Variants in OAS3 observed in about 807,000 individuals in gnomAD.
OAS3 encodes 2'-5'-oligoadenylate synthase 3.
Under a neutral mutation model 113.0 loss-of-function variants are expected in OAS3, and 107 were observed. The observed-to-expected ratio is 0.95, with a 90% CI of 0.81 to 1.11. OAS3 has a LOEUF of 1.11. OAS3 is among the 50% of genes most tolerant of loss of function. The pLI is 0.00. For synonymous variants in OAS3, 552 were observed against 573.6 expected (o/e 0.96, Z 0.54); for missense variants, 1,258 against 1,389.1 (o/e 0.91, Z 1.50).
rs565780523 is a variant in OAS3, at chr12:112,955,251, A to G, written c.1657+4276A>G. 8.5e-5 allele frequency among the ~76,000 whole-genome samples: 13 copies of G among 152,342 alleles called. No homozygotes were observed. In the East Asian group the frequency reaches 1.7e-3, roughly 20 times the overall value. ...GACGATGGGGTTTTCTAAATATACA[A>G]TCATGTCATTTGCAAACAGGGACAA... On this transcript the variant is annotated intron_variant, in intron 7 of 15. Transcript: ENST00000228928.
At chr12:112,961,869 C>T (rs990896334) in intron 8 of OAS3, among the ~76,000 whole-genome samples, 3 of 152,046 alleles carry the variant, frequency 2.0e-5, no homozygotes, top group East Asian at 3.9e-4. Flanking sequence ...AATTACAGCT[C>T]GCTGCAGCCT....
At chr12:112,945,010 TAAG>T (rs1371260209) in intron 3 of OAS3, 4 of 327,726 alleles carry the variant, frequency 1.2e-5, no homozygotes, top group African/African-American at 8.6e-5. Context: ...TTGTGTGTCT[TAAG>T]AAGTCTTTCC....
At chr12:112,947,907 C>A in intron 4 of OAS3, 39 bp from the exon 5 acceptor site, 1 of 1,534,952 alleles carries the variant, frequency 6.5e-7, no homozygotes, top group Admixed American at 2.1e-5. Flanking sequence ...CCAGAGCCCT[C>A]TTGCTAACCA....
At chr12:112,940,801 G>A (rs2136342308) in intron 1 of OAS3, among the ~76,000 whole-genome samples, 1 of 152,210 alleles carries the variant, frequency 6.6e-6, no homozygotes. Context: ...TCAGGAATTC[G>A]AGACCAGTCT....
intron 6 of OAS3, 58 bp from the exon 7 acceptor site, chr12:112,950,635 T>C (rs2043780175): frequency 6.3e-7 from 1 of 1,576,834 alleles, no homozygotes; most frequent in Non-Finnish European, 8.7e-7. Context: ...GATGGGATCG[T>C]AGTCCGACTC....
At position 112,950,940 on chromosome 12, in the gene OAS3, C is replaced by T. The variant is rs750060590; in HGVS notation, c.1622C>T (p.Thr541Met). ...QLVSTALKSW[T>M]DVSLLPAFDA... ...GTGTCCACAGCCCTGAAGAGCTGGA[C>T]GGATGTTAGCCTGCTGCCTGCCTTC... is the stretch of plus-strand genomic sequence containing the variant. The change falls in exon 7 of 16, where the codon ACG (threonine) becomes ATG (methionine). Residue 541 changes from threonine (T) to methionine (M), a missense_variant. By Grantham distance (81) the Thr-to-Met change is moderately conservative. Coordinates refer to ENST00000228928, the MANE Select transcript of OAS3 (RefSeq NM_006187.4). 2.3e-5 allele frequency: 37 copies of T among 1,613,802 alleles called. No individual in the cohort carries two copies. The highest frequency in any genetic ancestry group is 8.3e-5 in the Admixed American group (5 of 60,002).
At chr12:112,948,315 C>A (rs1372724170) in intron 5 of OAS3, among the ~76,000 whole-genome samples, 1 of 151,926 alleles carries the variant, frequency 6.6e-6, no homozygotes, top group Non-Finnish European at 1.5e-5. Context: ...CCAGTCTGGA[C>A]AATATGGTGA....
intron 11 of OAS3, 72 bp from the exon 12 acceptor site, chr12:112,965,672 C>G: frequency 6.9e-7 from 1 of 1,440,044 alleles, no homozygotes; most frequent in Non-Finnish European, 9.3e-7. Flanking sequence ...AGTAGGTTTT[C>G]TAACTCACAG....
rs774407336 is a variant in OAS3 at position 112,938,488 on chromosome 12, C to A, written c.-43C>A. The A allele has an allele frequency of 1.3e-6, 2 of 1,497,164 alleles. No individual in the cohort carries two copies. Among genetic ancestry groups the A allele is most frequent in the East Asian group, 2.6e-5 (1 of 38,392 alleles). The allele number at this position is 1,497,164 out of a possible 1,614,324, so 92.7% of individuals were successfully genotyped here. A position where few individuals can be genotyped will look rare whatever the true frequency, so the allele number is the denominator to read the frequency against. On this transcript the variant is annotated 5_prime_UTR_variant, in exon 1 of 16. Transcript: ENST00000228928. ...AAAACGAAACCAGAAATCCGAAGGC[C>A]GCGCCAGAGCCCTGCTTCCCCTTGC...
chr12:112,944,180 C>T (rs2043705591), intron 2 of OAS3, among the ~76,000 whole-genome samples: 1 of 152,302 alleles, frequency 6.6e-6, no homozygotes, highest in African/African-American at 2.4e-5. Flanking sequence ...AGCAACTTTC[C>T]TGTTTAACCA....
intron 7 of OAS3, among the ~76,000 whole-genome samples, chr12:112,953,332 G>A (rs2043807841): frequency 6.6e-6 from 1 of 152,132 alleles, no homozygotes; most frequent in Non-Finnish European, 1.5e-5. Context: ...CTTTTTTATG[G>A]CTGCATAGTA....
At position 112,949,108 on chromosome 12, in the gene OAS3, C is replaced by G. The variant is rs755215305; in HGVS notation, c.1277C>G (p.Pro426Arg). 3.7e-5 allele frequency: 60 copies of G among 1,613,832 alleles called. No homozygotes were observed. Among genetic ancestry groups the G allele is most frequent in the Non-Finnish European group, 4.9e-5 (58 of 1,179,894 alleles). ...CGCTTCATCCAGGACCACCTGAAGCCGAGCCCCCAGTTCCAGGAGCAGGTG... is the reference window on the plus strand; with the variant it reads ...CGCTTCATCCAGGACCACCTGAAGCGGAGCCCCCAGTTCCAGGAGCAGGTG... ...LDRFIQDHLK[P>R]SPQFQEQVKK... The change falls in exon 6 of 16, where the codon CCG (proline) becomes CGG (arginine). Residue 426 changes from proline to arginine, a missense_variant. Pro to Arg is a moderately radical substitution (Grantham distance 103). Transcript: ENST00000228928.
At chr12:112,948,172 T>A in intron 5 of OAS3, 73 bp downstream of exon 5, 1 of 1,390,040 alleles carries the variant, frequency 7.2e-7, no homozygotes, top group Non-Finnish European at 9.5e-7. Context: ...GAGCATCTAC[T>A]ATGTGCCATA....
intron 8 of OAS3, 49 bp from the exon 9 acceptor site, chr12:112,962,603 A>G: frequency 6.3e-7 from 1 of 1,595,226 alleles, no homozygotes; most frequent in South Asian, 1.1e-5. Flanking sequence ...GGCCACACTC[A>G]GCTCACATCC....
At chr12:112,947,832 C>A (rs1410019372) in intron 4 of OAS3, 114 bp from the exon 5 acceptor site, 1 of 932,436 alleles carries the variant, frequency 1.1e-6, no homozygotes, top group Non-Finnish European at 1.6e-6. Flanking sequence ...GAGGGTAAAT[C>A]ATTTGCCCCA....
In OAS3 at chr12:112,941,641, C is replaced by G. The variant is rs1166267745; in HGVS notation, c.249C>G (p.Cys83Trp). The change falls in exon 2 of 16, where the codon TGC becomes TGG. Residue 83 changes from cysteine to tryptophan, a missense_variant. Physicochemically the swap from Cys to Trp is radical, Grantham distance 215. Transcript: ENST00000228928. Reference sequence around the variant, plus strand: ...CTGAACTTGTCATCTTCCTCGACTGCTTCAAGAGCTATGTGGACCAGAGGG... The same window carrying G: ...CTGAACTTGTCATCTTCCTCGACTGGTTCAAGAGCTATGTGGACCAGAGGG... ...CDSELVIFLD[C>W]FKSYVDQRAR... is the part of the protein sequence containing the mutation. 6.2e-7 allele frequency: 1 copy of G among 1,613,936 alleles called. No individual in the cohort carries two copies. The highest frequency in any genetic ancestry group is 1.7e-5 in the Admixed American group (1 of 60,012).
intron 7 of OAS3, among the ~76,000 whole-genome samples, chr12:112,951,957 A>G (rs2043797475): frequency 6.6e-6 from 1 of 151,978 alleles, no homozygotes; most frequent in Non-Finnish European, 1.5e-5. Context: ...GGTTGCAGTG[A>G]GCTGAGATTG....
At chr12:112,949,924 C>T (rs1209122991) in intron 6 of OAS3, among the ~76,000 whole-genome samples, 1 of 152,168 alleles carries the variant, frequency 6.6e-6, no homozygotes, top group African/African-American at 2.4e-5. Context: ...GAGGCTGAGG[C>T]AGGAAAATCG....
chr12:112,961,138 G>A lies in OAS3; in HGVS notation c.1725G>A (p.Gln575=), dbSNP rs764936375. The part of the protein sequence containing the change: ...VYSRLLTSGC[Q]EGEHKACFAE... ...CGAGGCTCCTCACCAGTGGCTGCCA[G>A]GAGGGCGAGCATAAGGCCTGCTTCG... Residue 575 remains glutamine, a synonymous_variant, in exon 8 of 16, where the codon CAG becomes CAA. Coordinates refer to ENST00000228928, the MANE Select transcript of OAS3 (RefSeq NM_006187.4). The A allele has an allele frequency of 6.8e-6, 11 of 1,613,340 alleles. No homozygotes were observed. In the South Asian group the frequency reaches 1.2e-4, roughly 18 times the overall value.
Sources: allele counts gnomAD v4.1 joint callset (sites outside exome capture counted in the v4.1 genomes callset), GRCh38; gene constraint gnomAD v4.1.1; transcripts MANE v1.5; gene names NCBI Gene and HGNC (gene_info 2026-07-23, HGNC 2026-07-21).